Variants in MED17 observed in about 807,000 individuals in gnomAD.
MED17 encodes mediator complex subunit 17.
MED17 carries 49 observed loss-of-function variants against 80.8 expected under a neutral mutation model. The observed-to-expected ratio is 0.61, with a 90% CI of 0.48 to 0.77. MED17 has a LOEUF of 0.77. Ranked by LOEUF, MED17 falls within the 30% of genes least tolerant of loss-of-function variation. The pLI is 0.00. For synonymous variants in MED17, 281 were observed against 280.4 expected (o/e 1.00, Z -0.02); for missense variants, 718 against 787.0 (o/e 0.91, Z 1.05).
At chr11:93,797,456 C>T in intron 7 of MED17, 79 bp from the exon 8 acceptor site, 1 of 1,358,826 alleles carries the variant, frequency 7.4e-7, no homozygotes. Flanking sequence ...TTCAGTGTTT[C>T]TGTCAACCAT....
chr11:93,787,983 T>TTC lies in MED17; in HGVS notation c.251-8_251-7dup, dbSNP rs914453334. ...ACGAATACTTCTGTATTTCTTTTTT[T>TTC]TCTCTCTCTCTTTTTAGGAGTGGTA... On this transcript the variant is annotated splice_polypyrimidine_tract_variant and intron_variant, in intron 1 of 11. Coordinates refer to ENST00000251871, the MANE Select transcript of MED17 (RefSeq NM_004268.5). 5 of 1,610,758 alleles carry TTC rather than the reference T, an allele frequency of 3.1e-6. No homozygotes were observed. The highest frequency in any genetic ancestry group is 1.7e-5 in the Admixed American group (1 of 60,026).
chr11:93,796,570 G>T, intron 7 of MED17, 30 bp downstream of exon 7: 1 of 1,612,622 alleles, frequency 6.2e-7, no homozygotes, highest in Non-Finnish European at 8.5e-7. Flanking sequence ...TCTTTGCGCT[G>T]TGGTGAGTAT....
At chr11:93,784,812 C>G in intron 1 of MED17, 49 bp downstream of exon 1, 2 of 1,530,920 alleles carry the variant, frequency 1.3e-6, no homozygotes, top group East Asian at 4.9e-5. Context: ...GTCCCAGCAC[C>G]CGCGCGGGCC....
Position 93,801,919 on chromosome 11 carries a change from T to C in MED17, c.1413T>C (p.Tyr471=). The part of the protein sequence containing the change: ...QAHWSNINDV[Y]ESSVKVLITS... ...ATTGGTCAAATATCAATGATGTTTA[T>C]GAATCTAGTGTGAAAGTTTTAATCA... Residue 471 remains tyrosine, a synonymous_variant, in exon 9 of 12, where the codon TAT becomes TAC. Coordinates refer to ENST00000251871, the MANE Select transcript of MED17 (RefSeq NM_004268.5). 6.2e-7 allele frequency: 1 copy of C among 1,613,136 alleles called. No individual in the cohort carries two copies. The highest frequency in any genetic ancestry group is 8.5e-7 in the Non-Finnish European group (1 of 1,179,696).
intron 8 of MED17, among the ~76,000 whole-genome samples, chr11:93,797,932 CTG>C (rs1943921899): frequency 1.3e-5 from 2 of 152,314 alleles, no homozygotes; most frequent in Admixed American, 6.5e-5. Context: ...CTTTCTAACA[CTG>C]TCACTTTTTT....
chr11:93,788,478 G>A (rs1238510143), intron 2 of MED17: 5 of 270,176 alleles, frequency 1.9e-5, no homozygotes, highest in African/African-American at 6.9e-5. Flanking sequence ...TCAGGAGATC[G>A]AGACCATCCT....
chr11:93,809,289 A>G, intron 10 of MED17: 1 of 311,646 alleles, frequency 3.2e-6, no homozygotes, highest in Non-Finnish European at 6.3e-6. Flanking sequence ...CTTCCCTGCC[A>G]TCCTGCTGTC....
At chr11:93,809,630 C>A (rs1192866429) in intron 10 of MED17, 87 bp from the exon 11 acceptor site, 1 of 1,431,602 alleles carries the variant, frequency 7.0e-7, no homozygotes, top group Admixed American at 1.7e-5. Context: ...GTGAGCACCC[C>A]AACAAAAGTT....
chr11:93,795,157 G>C (rs575244422), intron 6 of MED17, 97 bp downstream of exon 6: 1 of 1,322,280 alleles, frequency 7.6e-7, no homozygotes, highest in Admixed American at 1.7e-5. Context: ...GGAGAATAAT[G>C]AGAGCAAAGA....
chr11:93,797,814 CTT>C (rs1261468646), intron 8 of MED17, 95 bp downstream of exon 8: 3 of 1,202,806 alleles, frequency 2.5e-6, no homozygotes, highest in African/African-American at 1.5e-5. Context: ...ATGCTTTTGA[CTT>C]TTTTATTTTA....
Position 93,787,880 on chromosome 11 carries a change from G to C in MED17, c.251-121G>C, listed in dbSNP as rs112748263. The C allele has an allele frequency of 1.0e-4, 88 of 884,242 alleles. 2 individuals are homozygous for C. In the Middle Eastern group the frequency reaches 1.1e-3, roughly 12 times the overall value. The allele number at this position is 884,242 out of a possible 1,614,324, so 54.8% of individuals were successfully genotyped here. ...GGTAGAGGAGATGGCATAAATAAGA[G>C]AACAATTTGAAATTTAATTAATTAT... On this transcript the variant is annotated intron_variant, in intron 1 of 11. Coordinates refer to ENST00000251871, the MANE Select transcript of MED17 (RefSeq NM_004268.5).
Position 93,813,181 on chromosome 11 carries a change from C to CAT in MED17, c.*1121_*1122dup, listed in dbSNP as rs1427999364. On this transcript the variant is annotated 3_prime_UTR_variant, in exon 12 of 12. Coordinates refer to ENST00000251871, the MANE Select transcript of MED17 (RefSeq NM_004268.5). ...CTTTTGGTAACACTGAAAGTAGTAT[C>CAT]ATATAGGCAAGCTCTCCTTATAAGT... The CAT allele has an allele frequency of 6.6e-6, 1 of 152,192 alleles. No individual in the cohort carries two copies. Among genetic ancestry groups the CAT allele is most frequent in the Non-Finnish European group, 1.5e-5 (1 of 68,034 alleles). 9.4% of individuals were successfully genotyped at this position (152,192 alleles called of 1,614,324 possible).
intron 2 of MED17, chr11:93,788,433 G>A (rs1262167770): frequency 3.2e-6 from 1 of 313,974 alleles, no homozygotes; most frequent in Non-Finnish European, 6.1e-6. Context: ...TGTAATCCCA[G>A]CACTTTGGGA....
At chr11:93,800,662 C>G (rs887012457) in intron 8 of MED17, 1 of 151,046 alleles carries the variant, frequency 6.6e-6, no homozygotes, top group Non-Finnish European at 1.5e-5. Flanking sequence ...GAGACAGCAT[C>G]TTACTCTGGC....
chr11:93,801,671 G>A, intron 8 of MED17, 164 bp from the exon 9 acceptor site: 1 of 637,764 alleles, frequency 1.6e-6, no homozygotes, highest in South Asian at 1.9e-5. Flanking sequence ...CAGTATGAAA[G>A]GGTTCTTAGA....
In MED17 at chr11:93,804,012, TATATATATATATATAC is replaced by T. The variant is rs1317546084; in HGVS notation, c.1466+2042_1466+2057del. Among the ~76,000 whole-genome samples, 86 of 23,080 alleles carry T rather than the reference TATATATATATATATAC, an allele frequency of 3.7e-3. 2 individuals carry two copies. Among genetic ancestry groups the T allele is most frequent in the Middle Eastern group, 0.042 (2 of 48 alleles). The allele number at this position is 23,080 out of a possible 152,430, so 15.1% of individuals were successfully genotyped here. ...ATATATGTGTGTGTATATATATATA[TATATATATATATATAC>T]ACACACACATATACACACGCACACA... is the stretch of plus-strand genomic sequence containing the variant. On this transcript the variant is annotated intron_variant, in intron 9 of 11. Coordinates refer to ENST00000251871, the MANE Select transcript of MED17 (RefSeq NM_004268.5).
chr11:93,792,595 G>T (rs1943849293), intron 3 of MED17, among the ~76,000 whole-genome samples: 1 of 151,902 alleles, frequency 6.6e-6, no homozygotes, highest in Admixed American at 6.6e-5. Flanking sequence ...TAATTCAATG[G>T]CCCAGAACAA....
At chr11:93,795,173 T>C in intron 6 of MED17, 113 bp downstream of exon 6, 1 of 1,178,854 alleles carries the variant, frequency 8.5e-7, no homozygotes. Context: ...AAAGAAATAG[T>C]GTGCTATCCA....
Position 93,807,663 on chromosome 11 carries a change from C to A in MED17, c.1584+28C>A, listed in dbSNP as rs1349327219. The A allele has an allele frequency of 2.3e-6, 3 of 1,296,806 alleles. No individual in the cohort carries two copies. The African/African-American group carries it at 4.4e-5, about 19-fold the overall frequency. 80.3% of individuals were successfully genotyped at this position (1,296,806 alleles called of 1,614,324 possible). A position where few individuals can be genotyped will look rare whatever the true frequency, so the allele number is the denominator to read the frequency against. On this transcript the variant is annotated intron_variant, in intron 10 of 11. Coordinates refer to ENST00000251871, the MANE Select transcript of MED17 (RefSeq NM_004268.5). The stretch of plus-strand genomic sequence containing the variant: ...AACAGTTGCAGATTTTGTCTTAAGC[C>A]CCCTTCTTCGCATAGCTACTTAAAG...
Sources: gnomAD v4.1 joint callset for allele counts (sites outside exome capture counted in the v4.1 genomes callset) on GRCh38, gnomAD v4.1.1 for gene constraint, MANE v1.5 for transcripts, NCBI Gene and HGNC (gene_info 2026-07-23, HGNC 2026-07-21) for gene names.